Variants in CEP70 observed in about 807,000 individuals in gnomAD.
CEP70 encodes the protein centrosomal protein 70, also known as centrosomal protein of 70 kDa.
CEP70 carries 70 observed loss-of-function variants against 90.9 expected under a neutral mutation model. The ratio of observed to expected loss-of-function variants is 0.77; its 90% CI spans 0.64 to 0.94. CEP70 has a LOEUF of 0.94. CEP70 is among the 40% of genes least tolerant of loss of function. CEP70 has a pLI of 0.00. For missense variants in CEP70, 648 were observed against 669.0 expected (o/e 0.97, Z 0.35); for synonymous variants, 220 against 228.3 (o/e 0.96, Z 0.33).
chr3:138,573,220 A>C (rs1453424878), intron 2 of CEP70, among the ~76,000 whole-genome samples: 1 of 152,072 alleles, frequency 6.6e-6, no homozygotes, highest in Admixed American at 6.6e-5. Flanking sequence ...TGTCCTGTCT[A>C]ACCCCCCACC....
At chr3:138,501,812 T>C (rs1001113018) in intron 13 of CEP70, among the ~76,000 whole-genome samples, 1 of 152,108 alleles carries the variant, frequency 6.6e-6, no homozygotes, top group African/African-American at 2.4e-5. Flanking sequence ...TCTGAAATGC[T>C]CCAAAATCTG....
Position 138,500,521 on chromosome 3 carries a change from T to A in CEP70, c.1415A>T (p.His472Leu). 1 of 1,611,100 alleles carries A rather than the reference T, an allele frequency of 6.2e-7. No homozygotes were observed. Among genetic ancestry groups the A allele is most frequent in the Non-Finnish European group, 8.5e-7 (1 of 1,179,194 alleles). Residue 472 changes from histidine (H) to leucine (L), a missense_variant, in exon 15 of 18, where the codon CAC becomes CTC. His to Leu is a moderately conservative substitution (Grantham distance 99). Transcript: ENST00000264982. The part of the protein sequence containing the change: ...HFQTLQAIVS[H>L]FQKLFDVPSL... ...AGGCACATCAAATAACTTTTGGAAG[T>A]GAGAAACAATAGCTTGCAAAGTTTG...
rs1175892654 is a variant in CEP70 at position 138,505,940 on chromosome 3, C to T, written c.1051-475G>A. Reference sequence around the variant, plus strand: ...TCCAGAAGCACCTTCCCAGACACATCCAGAATAATGTTTAACCAAATATCG... The same window carrying T: ...TCCAGAAGCACCTTCCCAGACACATTCAGAATAATGTTTAACCAAATATCG... On this transcript the variant is annotated intron_variant, in intron 12 of 17. Coordinates refer to ENST00000264982, the MANE Select transcript of CEP70 (RefSeq NM_024491.4). 2.6e-5 allele frequency among the ~76,000 whole-genome samples: 4 copies of T among 152,150 alleles called. No homozygotes were observed. In the East Asian group the frequency reaches 7.7e-4, roughly 29 times the overall value.
At chr3:138,516,021 A>G (rs1355205325) in intron 11 of CEP70, among the ~76,000 whole-genome samples, 2 of 152,078 alleles carry the variant, frequency 1.3e-5, no homozygotes, top group Non-Finnish European at 1.5e-5. Context: ...CCAATTCCAA[A>G]TACTTCTCAT....
intron 6 of CEP70, among the ~76,000 whole-genome samples, chr3:138,561,438 A>C (rs998165976): frequency 1.3e-5 from 2 of 152,182 alleles, no homozygotes; most frequent in African/African-American, 4.8e-5. Flanking sequence ...GATGGGGAGA[A>C]ACCAGCACAA....
intron 2 of CEP70, among the ~76,000 whole-genome samples, chr3:138,573,641 T>C (rs1292198908): frequency 6.6e-6 from 1 of 152,092 alleles, no homozygotes; most frequent in Non-Finnish European, 1.5e-5. Flanking sequence ...AGCAGAGATG[T>C]AGAAAAAAAT....
intron 6 of CEP70, among the ~76,000 whole-genome samples, chr3:138,540,709 AG>A (rs1349849813): frequency 2.0e-5 from 3 of 152,242 alleles, no homozygotes; most frequent in African/African-American, 7.2e-5. Flanking sequence ...AGCTAAAAGC[AG>A]AACTACCATT....
chr3:138,503,156 A>C (rs530418489), intron 13 of CEP70, among the ~76,000 whole-genome samples: 4 of 152,292 alleles, frequency 2.6e-5, no homozygotes, highest in African/African-American at 9.6e-5. Context: ...GTAACACTGA[A>C]ACTTTATACC....
intron 2 of CEP70, among the ~76,000 whole-genome samples, chr3:138,585,074 A>G (rs897399264): frequency 2.0e-5 from 3 of 152,178 alleles, no homozygotes; most frequent in African/African-American, 4.8e-5. Context: ...GAGAAAGGAA[A>G]AAAAGGCCAT....
chr3:138,543,897 A>C (rs2038960615), intron 6 of CEP70, among the ~76,000 whole-genome samples: 1 of 152,088 alleles, frequency 6.6e-6, no homozygotes, highest in Non-Finnish European at 1.5e-5. Flanking sequence ...GTAAACTGAG[A>C]CAACAAAAAG....
At chr3:138,588,821 G>A (rs1241967356) in intron 2 of CEP70, among the ~76,000 whole-genome samples, 1 of 152,256 alleles carries the variant, frequency 6.6e-6, no homozygotes, top group Non-Finnish European at 1.5e-5. Context: ...CCAGAAACTG[G>A]AAACAACTCA....
At position 138,500,859 on chromosome 3, in the gene CEP70, G is replaced by A; in HGVS notation, c.1244C>T (p.Thr415Ile). ...SLKDLYKSLKTLSAELVPWLN... is the reference protein window; with the variant it reads ...SLKDLYKSLKILSAELVPWLN... ...CCAAGGTACCAGTTCTGCAGATAGTGTTTTCAAGGACTTATACAAATCCTT... is the reference window on the plus strand; with the variant it reads ...CCAAGGTACCAGTTCTGCAGATAGTATTTTCAAGGACTTATACAAATCCTT... The change falls in exon 14 of 18, where the codon ACA (threonine) becomes ATA (isoleucine). Residue 415 changes from threonine to isoleucine, a missense_variant. Thr to Ile is a moderately conservative substitution (Grantham distance 89). Transcript: ENST00000264982. The A allele has an allele frequency of 6.3e-7, 1 of 1,585,178 alleles. No individual in the cohort carries two copies. Among genetic ancestry groups the A allele is most frequent in the Non-Finnish European group, 8.6e-7 (1 of 1,164,276 alleles).
chr3:138,585,046 T>C (rs1231391717), intron 2 of CEP70, among the ~76,000 whole-genome samples: 1 of 152,158 alleles, frequency 6.6e-6, no homozygotes, highest in Non-Finnish European at 1.5e-5. Flanking sequence ...GGAATTGCTC[T>C]AGCTAGCAGT....
At chr3:138,527,694 C>CA (rs34863399) in intron 10 of CEP70, among the ~76,000 whole-genome samples, 2,015 of 117,748 alleles carry the variant, frequency 0.017, 23 homozygotes, top group African/African-American at 0.018. Context: ...GACTCCGTCT[C>CA]AAAAAAAAAA....
intron 6 of CEP70, among the ~76,000 whole-genome samples, chr3:138,549,342 A>C (rs1391116672): frequency 6.6e-6 from 1 of 151,654 alleles, no homozygotes; most frequent in African/African-American, 2.4e-5. Flanking sequence ...CTGGAAACAA[A>C]CTTGGTGTTG....
At chr3:138,588,516 GA>G (rs1440518428) in intron 2 of CEP70, among the ~76,000 whole-genome samples, 1 of 152,178 alleles carries the variant, frequency 6.6e-6, no homozygotes, top group Non-Finnish European at 1.5e-5. Flanking sequence ...AGTCAGGAGG[GA>G]AATGCAAATT....
chr3:138,563,981 A>C (rs2040597741), intron 6 of CEP70, among the ~76,000 whole-genome samples: 1 of 152,204 alleles, frequency 6.6e-6, no homozygotes, highest in Non-Finnish European at 1.5e-5. Flanking sequence ...AGAGAGAAGA[A>C]TCAAATAGAT....
At chr3:138,564,498 C>T (rs1421981058) in intron 6 of CEP70, among the ~76,000 whole-genome samples, 1 of 152,156 alleles carries the variant, frequency 6.6e-6, no homozygotes, top group Non-Finnish European at 1.5e-5. Flanking sequence ...CCGTATCCAC[C>T]ACGATCAAGT....
At chr3:138,496,388 GA>G (rs1339986108) in intron 17 of CEP70, 1 of 985,298 alleles carries the variant, frequency 1.0e-6, no homozygotes, top group Non-Finnish European at 1.2e-6. Context: ...TATGGGAACA[GA>G]AACAATATAA....
Sources: allele counts gnomAD v4.1 joint callset (sites outside exome capture counted in the v4.1 genomes callset), GRCh38; gene constraint gnomAD v4.1.1; transcripts MANE v1.5; gene names NCBI Gene and HGNC (gene_info 2026-07-23, HGNC 2026-07-21).